NELL2: variants seen among roughly 807,000 people sequenced by gnomAD.
NELL2 encodes the protein neural EGFL like 2, also known as protein kinase C-binding protein NELL2.
Under a neutral mutation model 109.6 loss-of-function variants are expected in NELL2, and 41 were observed. The observed-to-expected ratio is 0.37, with a 90% CI of 0.29 to 0.49. The LOEUF (loss-of-function observed/expected upper bound fraction) is 0.49, where lower values mean the gene tolerates loss of function less well. Ranked by LOEUF, NELL2 falls within the 20% of genes least tolerant of loss-of-function variation. The probability of loss-of-function intolerance (pLI) is 0.98; values close to 1 mark genes in which losing one functional copy is unlikely to be tolerated. For missense variants in NELL2, 900 were observed against 1,008.3 expected (o/e 0.89, Z 1.45); for synonymous variants, 355 against 344.7 (o/e 1.03, Z -0.33).
chr12:44,512,847 A>G (rs1021399506), intron 19 of NELL2, among the ~76,000 whole-genome samples: 5 of 152,068 alleles, frequency 3.3e-5, no homozygotes, highest in Non-Finnish European at 5.9e-5. Context: ...TGTTGGTTAA[A>G]GTATACAAAA....
intron 15 of NELL2, among the ~76,000 whole-genome samples, chr12:44,561,039 T>C (rs1358993521): frequency 6.6e-6 from 1 of 152,186 alleles, no homozygotes; most frequent in African/African-American, 2.4e-5. Flanking sequence ...TGCAAATCAA[T>C]AAACATAATC....
chr12:44,876,915 G>A, upstream of NELL2: 1 of 1,246,382 alleles, frequency 8.0e-7, no homozygotes, highest in African/African-American at 1.5e-5. Flanking sequence ...TTCCCTGCCG[G>A]GGGCGGGGCG....
intron 3 of NELL2, among the ~76,000 whole-genome samples, chr12:44,804,243 A>G (rs1194583395): frequency 6.6e-6 from 1 of 151,960 alleles, no homozygotes; most frequent in Admixed American, 6.6e-5. Flanking sequence ...AGATGACAGC[A>G]TGTCAATCAC....
chr12:44,777,938 A>C (rs1187666752), intron 5 of NELL2, among the ~76,000 whole-genome samples: 3 of 152,160 alleles, frequency 2.0e-5, no homozygotes, highest in Non-Finnish European at 4.4e-5. Flanking sequence ...AAATTTTATC[A>C]CATGTTTATA....
At position 44,883,127 on chromosome 12, in the gene NELL2, G is replaced by T. The variant is rs923141365; in HGVS notation, c.39-7227C>A. Among the ~76,000 whole-genome samples, 192 of 151,650 alleles carry T rather than the reference G, an allele frequency of 1.3e-3. 3 individuals carry two copies. Among genetic ancestry groups the T allele is most frequent in the African/African-American group, 4.5e-3 (185 of 41,108 alleles). ...GTCTCCCAAAATGCTAGGATTATGG[G>T]TGTGAGCCACTGAACCTGGCCCACA... is the stretch of plus-strand genomic sequence containing the variant. On this transcript the variant is annotated intron_variant, in intron 1 of 20. Transcript: ENST00000333837.
chr12:44,762,419 T>C (rs1368815580), intron 9 of NELL2, among the ~76,000 whole-genome samples: 1 of 152,144 alleles, frequency 6.6e-6, no homozygotes, highest in Admixed American at 6.6e-5. Context: ...CAAAATATAG[T>C]ACATCCAAAA....
chr12:44,808,820 A>C (rs528478178), intron 3 of NELL2, among the ~76,000 whole-genome samples: 6 of 152,018 alleles, frequency 3.9e-5, no homozygotes, highest in Non-Finnish European at 8.8e-5. Flanking sequence ...CCTCATACAT[A>C]AATACATTTT....
chr12:44,765,160 T>C (rs1158478165), intron 9 of NELL2, among the ~76,000 whole-genome samples: 2 of 152,238 alleles, frequency 1.3e-5, no homozygotes, highest in Non-Finnish European at 2.9e-5. Context: ...ATTACCAATG[T>C]TATGAATCAT....
chr12:44,669,960 T>C (rs1436622394), intron 12 of NELL2, among the ~76,000 whole-genome samples: 1 of 152,164 alleles, frequency 6.6e-6, no homozygotes, highest in Non-Finnish European at 1.5e-5. Flanking sequence ...ATAGTAAAAC[T>C]GTCAAAAGTC....
At chr12:44,630,090 C>T (rs1946397646) in intron 13 of NELL2, among the ~76,000 whole-genome samples, 1 of 152,130 alleles carries the variant, frequency 6.6e-6, no homozygotes, top group African/African-American at 2.4e-5. Flanking sequence ...CATTCTACCG[C>T]TTTGAAGATA....
chr12:44,633,224 G>A (rs1374735582), intron 13 of NELL2, among the ~76,000 whole-genome samples: 2 of 152,102 alleles, frequency 1.3e-5, no homozygotes, highest in Non-Finnish European at 2.9e-5. Flanking sequence ...TTTCCTGTAG[G>A]TATTTAGGTC....
intron 13 of NELL2, among the ~76,000 whole-genome samples, chr12:44,613,566 T>C (rs889026762): frequency 3.3e-5 from 5 of 152,136 alleles, no homozygotes; most frequent in Admixed American, 6.5e-5. Context: ...ATTAAGATAT[T>C]AGGACATCTT....
intron 15 of NELL2, among the ~76,000 whole-genome samples, chr12:44,583,865 C>G (rs183235608): frequency 1.1e-3 from 163 of 152,290 alleles, no homozygotes; most frequent in African/African-American, 3.7e-3. Flanking sequence ...CTCTGCCTCC[C>G]AGGCTCAAGC....
intron 9 of NELL2, among the ~76,000 whole-genome samples, chr12:44,750,094 C>T (rs1940582149): frequency 6.6e-6 from 1 of 152,064 alleles, no homozygotes; most frequent in Non-Finnish European, 1.5e-5. Context: ...AAGTCCCCTC[C>T]TCTGCAAAGG....
At chr12:44,727,911 G>A (rs1350144047) in intron 9 of NELL2, among the ~76,000 whole-genome samples, 1 of 151,928 alleles carries the variant, frequency 6.6e-6, no homozygotes, top group South Asian at 2.1e-4. Context: ...GAAGCAAAAG[G>A]GCTTCCCATA....
chr12:44,590,254 C>T (rs1029071596), intron 15 of NELL2, among the ~76,000 whole-genome samples: 2 of 151,886 alleles, frequency 1.3e-5, no homozygotes, highest in Non-Finnish European at 2.9e-5. Context: ...AATTATAATG[C>T]TTATAATTAC....
chr12:44,534,828 C>T (rs561301526), intron 15 of NELL2, among the ~76,000 whole-genome samples: 3 of 152,162 alleles, frequency 2.0e-5, no homozygotes, highest in East Asian at 1.9e-4. Flanking sequence ...TGGAACTGAA[C>T]TTTCTCCACT....
rs1942685997 is a variant in NELL2 at position 44,797,946 on chromosome 12, T to TAAAATCATTCCATCCTA, written c.336-17925_336-17924insTAGGATGGAATGATTTT. Among the ~76,000 whole-genome samples, 4 of 41,424 alleles carry TAAAATCATTCCATCCTA rather than the reference T, an allele frequency of 9.7e-5. 1 individual carries two copies. In the Admixed American group the frequency reaches 1.0e-3, roughly 11 times the overall value. 27.2% of individuals were successfully genotyped at this position (41,424 alleles called of 152,430 possible). ...TAAAACCATTCCATCCTAGATGGAA[T>TAAAATCATTCCATCCTA]GATGGAATAAAATCATTCCATCCTA... On this transcript the variant is annotated intron_variant, in intron 3 of 19. Coordinates refer to ENST00000429094, the MANE Select transcript of NELL2 (RefSeq NM_001145108.2).
At chr12:44,731,264 T>C (rs558203873) in intron 9 of NELL2, among the ~76,000 whole-genome samples, 3 of 152,206 alleles carry the variant, frequency 2.0e-5, no homozygotes, top group Admixed American at 2.0e-4. Flanking sequence ...AATATTACCC[T>C]GATATGAAAG....
Sources: gnomAD v4.1 joint callset for allele counts (sites outside exome capture counted in the v4.1 genomes callset) on GRCh38, gnomAD v4.1.1 for gene constraint, MANE v1.5 for transcripts, NCBI Gene and HGNC (gene_info 2026-07-23, HGNC 2026-07-21) for gene names.